Variants in SH2D3C observed in about 807,000 individuals in gnomAD.
The protein encoded by SH2D3C is SH2 domain containing 3C.
Under a neutral mutation model 75.2 loss-of-function variants are expected in SH2D3C, and 25 were observed. The observed-to-expected ratio is 0.33, with a 90% CI of 0.24 to 0.46. The LOEUF is 0.46. Ranked by LOEUF, SH2D3C falls within the 20% of genes least tolerant of loss-of-function variation. The pLI, the probability that SH2D3C is intolerant of heterozygous loss-of-function variation, is 1.00. For synonymous variants in SH2D3C, 450 were observed against 473.7 expected (o/e 0.95, Z 0.65); for missense variants, 933 against 1,165.3 (o/e 0.80, Z 2.90).
chr9:127,739,977 G>A lies in SH2D3C; in HGVS notation c.2201-89C>T, dbSNP rs1035960112. The A allele has an allele frequency of 2.4e-5, 30 of 1,274,260 alleles. No individual in the cohort carries two copies. Among genetic ancestry groups the A allele is most frequent in the African/African-American group, 3.0e-5 (2 of 66,370 alleles). The allele number at this position is 1,274,260 out of a possible 1,614,324, so 78.9% of individuals were successfully genotyped here. Reference sequence around the variant, plus strand: ...TGGAAGCTGAGGTGCAGGAGGGAACGGGCCTGGCTGAGGTCCGGGAGAGAG... The same window carrying A: ...TGGAAGCTGAGGTGCAGGAGGGAACAGGCCTGGCTGAGGTCCGGGAGAGAG... On this transcript the variant is annotated intron_variant, in intron 10 of 11. Transcript: ENST00000314830. The surrounding 1 kb of genome is among the most constrained non-coding windows in gnomAD (Gnocchi z 4.3).
In SH2D3C at chr9:127,769,822, C is replaced by T. The variant is rs539502950; in HGVS notation, c.515+4168G>A. Among the ~76,000 whole-genome samples, 17 of 152,230 alleles carry T rather than the reference C, an allele frequency of 1.1e-4. No individual in the cohort carries two copies. In the South Asian group the frequency reaches 2.7e-3, roughly 24 times the overall value. On this transcript the variant is annotated intron_variant, in intron 2 of 11. Transcript: ENST00000314830. ...ATTTCTCTGTGACCCCAGGAGAGTCCCTTCCCCTCTCTGAGTCTCAGTCTC... is the reference window on the plus strand; with the variant it reads ...ATTTCTCTGTGACCCCAGGAGAGTCTCTTCCCCTCTCTGAGTCTCAGTCTC...
intron 8 of SH2D3C, 56 bp downstream of exon 8, chr9:127,742,793 G>A (rs1385113745): frequency 1.4e-6 from 2 of 1,397,098 alleles, no homozygotes; most frequent in South Asian, 1.3e-5. Flanking sequence ...CCGTCCAGCG[G>A]GGAGTGCGGT....
In SH2D3C at chr9:127,740,254, G is replaced by A. The variant is rs781302064; in HGVS notation, c.2200+4C>T. On this transcript the variant is annotated splice_donor_region_variant and intron_variant, in intron 10 of 11. Coordinates refer to ENST00000314830, the MANE Select transcript of SH2D3C (RefSeq NM_170600.3). The stretch of plus-strand genomic sequence containing the variant: ...CTGTCCAAGGTCACGCAACAAGGAA[G>A]TACCTTTGCCCTCGTTGAGGCTCTT... 5 of 1,611,868 alleles carry A rather than the reference G, an allele frequency of 3.1e-6. No individual in the cohort carries two copies. The highest frequency in any genetic ancestry group is 1.3e-5 in the African/African-American group (1 of 75,020).
At chr9:127,775,267 G>A (rs1256345918) in intron 1 of SH2D3C, among the ~76,000 whole-genome samples, 6 of 152,214 alleles carry the variant, frequency 3.9e-5, no homozygotes, top group Non-Finnish European at 7.3e-5. Flanking sequence ...GATGAGCCAG[G>A]AGGACTGCTT....
chr9:127,753,500 G>A (rs925989547), intron 3 of SH2D3C, among the ~76,000 whole-genome samples: 5 of 152,162 alleles, frequency 3.3e-5, no homozygotes, highest in Admixed American at 1.3e-4. Flanking sequence ...AGAAAGGCGG[G>A]GCCTGGGAGT....
chr9:127,753,808 C>T (rs1845272951), intron 3 of SH2D3C, among the ~76,000 whole-genome samples: 1 of 152,246 alleles, frequency 6.6e-6, no homozygotes, highest in African/African-American at 2.4e-5. Context: ...CGATTGAGAC[C>T]TTCCCCCAGT....
intron 3 of SH2D3C, among the ~76,000 whole-genome samples, chr9:127,757,867 G>C (rs945609274): frequency 6.6e-6 from 1 of 151,784 alleles, no homozygotes; most frequent in African/African-American, 2.4e-5. Flanking sequence ...CTCCATGTTG[G>C]CCAGGCTGGT....
chr9:127,766,811 C>T, intron 2 of SH2D3C: 1 of 879,946 alleles, frequency 1.1e-6, no homozygotes, highest in Non-Finnish European at 1.7e-6. Flanking sequence ...ATCAGGTGAT[C>T]CACCTGCCTT....
In SH2D3C at chr9:127,766,901, C is replaced by T. The variant is rs1191802256; in HGVS notation, c.516-5251G>A. The stretch of plus-strand genomic sequence containing the variant: ...TTCCTTCACGCCCATCTTCACTCAC[C>T]CACCGCAGAGAAGCAACGGGCACCT... On this transcript the variant is annotated intron_variant, in intron 2 of 11. Transcript: ENST00000314830. 4 of 1,523,798 alleles carry T rather than the reference C, an allele frequency of 2.6e-6. No individual in the cohort carries two copies. The African/African-American group carries it at 5.5e-5, about 21-fold the overall frequency. 94.4% of individuals were successfully genotyped at this position (1,523,798 alleles called of 1,614,324 possible). A position where few individuals can be genotyped will look rare whatever the true frequency, so the allele number is the denominator to read the frequency against.
At position 127,754,995 on chromosome 9, in the gene SH2D3C, T is replaced by A; in HGVS notation, c.556-3695A>T. On this transcript the variant is annotated intron_variant, in intron 3 of 11. Coordinates refer to ENST00000314830, the MANE Select transcript of SH2D3C (RefSeq NM_170600.3). This position sits in a 1 kb window ranked among gnomAD's most constrained non-coding sequence, Gnocchi z 4.4. The stretch of plus-strand genomic sequence containing the variant: ...CTGCCGGGCGCCGCTGAGCTGCAGC[T>A]CCCCGGCTGGCTCTAGGGCCCCGGG... 1.6e-6 allele frequency: 1 copy of A among 641,998 alleles called. No homozygotes were observed. Among genetic ancestry groups the A allele is most frequent in the Non-Finnish European group, 2.1e-6 (1 of 465,642 alleles). 39.8% of individuals were successfully genotyped at this position (641,998 alleles called of 1,614,324 possible).
At chr9:127,757,642 G>GATTATT (rs1491460414) in intron 3 of SH2D3C, among the ~76,000 whole-genome samples, 4,038 of 123,162 alleles carry the variant, frequency 0.033, 111 homozygotes, top group Middle Eastern at 0.057. Flanking sequence ...TGATGATGAT[G>GATTATT]ATGATTATTA....
intron 2 of SH2D3C, chr9:127,771,369 G>T (rs1845736445): frequency 1.5e-6 from 2 of 1,343,422 alleles, no homozygotes; most frequent in East Asian, 6.1e-5. Context: ...CCCCAGACAC[G>T]CCCCTGCGCT....
rs959943186 is a variant in SH2D3C, at chr9:127,754,992, A to G, written c.556-3692T>C. The G allele has an allele frequency of 4.9e-5, 30 of 617,372 alleles. No homozygotes were observed. In the African/African-American group the frequency reaches 5.9e-4, roughly 12 times the overall value. 38.2% of individuals were successfully genotyped at this position (617,372 alleles called of 1,614,324 possible). A position where few individuals can be genotyped will look rare whatever the true frequency, so the allele number is the denominator to read the frequency against. Reference sequence around the variant, plus strand: ...ACCCTGCCGGGCGCCGCTGAGCTGCAGCTCCCCGGCTGGCTCTAGGGCCCC... The same window carrying G: ...ACCCTGCCGGGCGCCGCTGAGCTGCGGCTCCCCGGCTGGCTCTAGGGCCCC... On this transcript the variant is annotated intron_variant, in intron 3 of 11. Transcript: ENST00000314830. This position sits in a 1 kb window ranked among gnomAD's most constrained non-coding sequence, Gnocchi z 4.4.
In SH2D3C at chr9:127,749,389, G is replaced by A. The variant is rs1202624718; in HGVS notation, c.961C>T (p.Arg321Cys). 1.9e-6 allele frequency: 3 copies of A among 1,614,062 alleles called. No homozygotes were observed. The highest frequency in any genetic ancestry group is 2.5e-6 in the Non-Finnish European group (3 of 1,180,036). ...SGAIIYCPVN[R>C]TFPLRYLEAS... is the part of the protein sequence containing the mutation. ...TCGAGGTAGCGCAGTGGGAAGGTGC[G>A]GTTCACCGGGCAGTAGATGATGGCA... Residue 321 changes from arginine to cysteine, a missense_variant, in exon 5 of 12, where the codon CGC (arginine) becomes TGC (cysteine). Physicochemically the swap from Arg to Cys is radical, Grantham distance 180. Coordinates refer to ENST00000314830, the MANE Select transcript of SH2D3C (RefSeq NM_170600.3). The surrounding 1 kb of genome is among the most constrained non-coding windows in gnomAD (Gnocchi z 5.9).
chr9:127,765,287 C>A (rs1450828021), intron 2 of SH2D3C, among the ~76,000 whole-genome samples: 1 of 152,194 alleles, frequency 6.6e-6, no homozygotes, highest in Admixed American at 6.5e-5. Flanking sequence ...CTTAATTCTG[C>A]CCTGACCCCT....
chr9:127,773,848 G>A (rs1845771027), intron 2 of SH2D3C, 142 bp downstream of exon 2: 2 of 592,912 alleles, frequency 3.4e-6, no homozygotes, highest in South Asian at 4.4e-5. Context: ...GACCCGGGAG[G>A]CAGAGGTTGC....
rs1309949576 is a variant in SH2D3C, at chr9:127,754,244, G to T, written c.556-2944C>A. On this transcript the variant is annotated intron_variant, in intron 3 of 11. Transcript: ENST00000314830. The surrounding 1 kb of genome is among the most constrained non-coding windows in gnomAD (Gnocchi z 4.4). ...GGGGATGCTGCGCTCCGCCGCCGGC[G>T]GGGCAGTCCTTCAGGCGGGCTCCGC... Among the ~76,000 whole-genome samples, 1 of 152,166 alleles carries T rather than the reference G, an allele frequency of 6.6e-6. No homozygotes were observed. Among genetic ancestry groups the T allele is most frequent in the Non-Finnish European group, 1.5e-5 (1 of 67,994 alleles).
At chr9:127,752,143 G>A (rs1845219630) in intron 3 of SH2D3C, among the ~76,000 whole-genome samples, 1 of 152,138 alleles carries the variant, frequency 6.6e-6, no homozygotes, top group South Asian at 2.1e-4. Flanking sequence ...TGAAGTTGGA[G>A]GCTGATGGAT....
rs1564408554 is a variant in SH2D3C at position 127,740,294 on chromosome 9, GCTT to G, written c.2161_2163del (p.Lys721del). The G allele has an allele frequency of 2.1e-5, 34 of 1,614,044 alleles. No homozygotes were observed. The highest frequency in any genetic ancestry group is 2.6e-5 in the Non-Finnish European group (31 of 1,180,022). On this transcript the variant is annotated inframe_deletion, in exon 10 of 12. Coordinates refer to ENST00000314830, the MANE Select transcript of SH2D3C (RefSeq NM_170600.3). ...TTGAGGCTCTTGAGAAAAGGCTTGAGCTTCTTCTCGTACAGGATGGCACCCTCT... is the reference window on the plus strand; with the variant it reads ...TTGAGGCTCTTGAGAAAAGGCTTGAGCTTCTCGTACAGGATGGCACCCTCT...
Sources: gnomAD v4.1 joint callset for allele counts (sites outside exome capture counted in the v4.1 genomes callset) on GRCh38, gnomAD v4.1.1 for gene constraint, Gnocchi (gnomAD v3.1) non-coding constraint, MANE v1.5 for transcripts, NCBI Gene and HGNC (gene_info 2026-07-23, HGNC 2026-07-21) for gene names.